HMBOX1: variants seen among roughly 807,000 people sequenced by gnomAD.
HMBOX1 encodes the protein homeobox-containing protein 1.
Under a neutral mutation model 54.5 loss-of-function variants are expected in HMBOX1, and 14 were observed. The ratio of observed to expected loss-of-function variants is 0.26; its 90% CI spans 0.17 to 0.40. The LOEUF is 0.40. Ranked by LOEUF, HMBOX1 falls within the 10% of genes least tolerant of loss-of-function variation. The pLI, the probability that HMBOX1 is intolerant of heterozygous loss-of-function variation, is 1.00. For synonymous variants in HMBOX1, 160 were observed against 181.0 expected (o/e 0.88, Z 0.93); for missense variants, 332 against 514.4 (o/e 0.65, Z 3.43).
chr8:29,042,844 ATTGTTT>A (rs1437092798), intron 6 of HMBOX1: 2 of 349,620 alleles, frequency 5.7e-6, no homozygotes, highest in African/African-American at 4.3e-5. Flanking sequence ...ATAAACAGAG[ATTGTTT>A]TTGTTTTTGT....
chr8:29,018,075 G>A (rs906682987), intron 5 of HMBOX1, among the ~76,000 whole-genome samples: 7 of 152,146 alleles, frequency 4.6e-5, no homozygotes, highest in African/African-American at 1.7e-4. Context: ...GAAGAGTGGG[G>A]TAGCCAGGGA....
intron 5 of HMBOX1, among the ~76,000 whole-genome samples, chr8:29,013,796 G>C (rs1164665299): frequency 6.6e-6 from 1 of 152,194 alleles, no homozygotes; most frequent in Non-Finnish European, 1.5e-5. Context: ...ATCAAATTAA[G>C]TTCACAGTCT....
rs745441995 is a variant in HMBOX1 at position 29,048,936 on chromosome 8, T to G, written c.1031-18T>G. Reference sequence around the variant, plus strand: ...TAAGGTAACAGATAATTTAGGGATCTATTTGCTTTTTTCGAAGAAGCAGCA... The same window carrying G: ...TAAGGTAACAGATAATTTAGGGATCGATTTGCTTTTTTCGAAGAAGCAGCA... On this transcript the variant is annotated intron_variant, in intron 8 of 9. Coordinates refer to ENST00000287701, the MANE Select transcript of HMBOX1 (RefSeq NM_001135726.3). The G allele has an allele frequency of 3.2e-6, 5 of 1,550,496 alleles. No individual in the cohort carries two copies. The highest frequency in any genetic ancestry group is 1.8e-5 in the Admixed American group (1 of 56,942).
chr8:28,954,286 G>C (rs1382853235), intron 1 of HMBOX1, among the ~76,000 whole-genome samples: 1 of 152,094 alleles, frequency 6.6e-6, no homozygotes, highest in Non-Finnish European at 1.5e-5. Context: ...TAAAGGAGCA[G>C]CTTTAGAAGG....
intron 1 of HMBOX1, among the ~76,000 whole-genome samples, chr8:28,928,325 C>T (rs1161955462): frequency 6.6e-6 from 1 of 152,116 alleles, no homozygotes; most frequent in Non-Finnish European, 1.5e-5. Context: ...CCAATCAAAG[C>T]AGAAGCCCAG....
chr8:29,033,520 G>A (rs1803355317), intron 6 of HMBOX1, among the ~76,000 whole-genome samples: 1 of 152,172 alleles, frequency 6.6e-6, no homozygotes, highest in African/African-American at 2.4e-5. Context: ...GTAAGAAGAT[G>A]AACTGTGCTT....
intron 1 of HMBOX1, among the ~76,000 whole-genome samples, chr8:28,900,271 A>AATATATATATATATATATATATAT (rs1554519263): frequency 1.1e-4 from 8 of 70,328 alleles, no homozygotes; most frequent in Admixed American, 4.4e-4. Context: ...AAAAAAAAAA[A>AATATATATATATATATATATATAT]ATATATATAT....
intron 3 of HMBOX1, among the ~76,000 whole-genome samples, chr8:28,977,955 A>AG (rs1554553536): frequency 1.2e-4 from 19 of 152,054 alleles, no homozygotes; most frequent in Admixed American, 2.6e-4. Context: ...AAAAAAAAAA[A>AG]AAAGAAAGAA....
chr8:28,894,959 A>G (rs138446373), intron 1 of HMBOX1, among the ~76,000 whole-genome samples: 1,671 of 151,820 alleles, frequency 0.011, 32 homozygotes, highest in African/African-American at 0.039. Flanking sequence ...AAAAAACAGT[A>G]ACAATAGTCT....
chr8:28,937,718 T>C (rs1280026224), intron 1 of HMBOX1, among the ~76,000 whole-genome samples: 1 of 152,198 alleles, frequency 6.6e-6, no homozygotes, highest in Non-Finnish European at 1.5e-5. Flanking sequence ...AGAATAAACA[T>C]GGCCAAGAAC....
intron 6 of HMBOX1, among the ~76,000 whole-genome samples, chr8:29,044,439 G>T (rs1175619749): frequency 1.3e-5 from 2 of 152,078 alleles, no homozygotes; most frequent in African/African-American, 4.8e-5. Context: ...ATGGGTCTGA[G>T]AATTCTAAGG....
At chr8:28,894,288 C>G (rs1012552914) in intron 1 of HMBOX1, among the ~76,000 whole-genome samples, 2 of 152,016 alleles carry the variant, frequency 1.3e-5, no homozygotes, top group African/African-American at 2.4e-5. Context: ...ACATAAAATA[C>G]TTTTATGTTT....
intron 1 of HMBOX1, among the ~76,000 whole-genome samples, chr8:28,960,242 G>T (rs1317776892): frequency 7.0e-6 from 1 of 142,670 alleles, no homozygotes; most frequent in African/African-American, 3.0e-5. Context: ...GCCTGGCCTG[G>T]ATTTTTGTTA....
intron 1 of HMBOX1, among the ~76,000 whole-genome samples, chr8:28,907,410 C>CA (rs1238258532): frequency 3.3e-5 from 5 of 152,312 alleles, no homozygotes; most frequent in Middle Eastern, 3.4e-3. Context: ...CATTTTAGTT[C>CA]ATTGTGCTCA....
At chr8:28,934,791 G>A (rs1455948743) in intron 1 of HMBOX1, among the ~76,000 whole-genome samples, 1 of 152,114 alleles carries the variant, frequency 6.6e-6, no homozygotes, top group Non-Finnish European at 1.5e-5. Flanking sequence ...GCTGGGCGCG[G>A]TGGCAGGCGC....
rs143781240 is a variant in HMBOX1, at chr8:28,905,969, A to G, written c.-58+15291A>G. Among the ~76,000 whole-genome samples, 119 of 152,334 alleles carry G rather than the reference A, an allele frequency of 7.8e-4. 2 individuals are homozygous for G. In the East Asian group the frequency reaches 0.015, roughly 19 times the overall value. ...TTCAGCTTTGATTATATGCGTTTTC[A>G]GAATATATGCATAATTTTGGCTACA... On this transcript the variant is annotated intron_variant, in intron 1 of 9. Coordinates refer to ENST00000287701, the MANE Select transcript of HMBOX1 (RefSeq NM_001135726.3).
intron 4 of HMBOX1, among the ~76,000 whole-genome samples, chr8:28,982,640 T>C (rs1829543626): frequency 6.6e-6 from 1 of 151,816 alleles, no homozygotes; most frequent in Admixed American, 6.6e-5. Context: ...CTTTTTTTTT[T>C]TTTGAGTTGG....
intron 6 of HMBOX1, among the ~76,000 whole-genome samples, chr8:29,022,089 A>AG (rs1745150707): frequency 6.6e-6 from 1 of 152,184 alleles, no homozygotes; most frequent in Non-Finnish European, 1.5e-5. Context: ...AAAATTACCT[A>AG]TGAGTTTACC....
intron 3 of HMBOX1, among the ~76,000 whole-genome samples, chr8:28,975,139 C>T (rs1235563668): frequency 2.6e-5 from 4 of 152,142 alleles, no homozygotes; most frequent in Admixed American, 6.5e-5. Context: ...CAGAACTGTT[C>T]CTTCATTGAA....
Sources: allele counts gnomAD v4.1 joint callset (sites outside exome capture counted in the v4.1 genomes callset), GRCh38; gene constraint gnomAD v4.1.1; transcripts MANE v1.5; gene names NCBI Gene and HGNC (gene_info 2026-07-23, HGNC 2026-07-21).